Variants in ARPP21 observed in about 807,000 individuals in gnomAD.
The protein encoded by ARPP21 is cAMP-regulated phosphoprotein 21.
ARPP21 carries 69 observed loss-of-function variants against 113.2 expected under a neutral mutation model. The observed-to-expected ratio is 0.61, with a 90% CI of 0.50 to 0.74. The LOEUF (loss-of-function observed/expected upper bound fraction) is 0.74, where lower values mean the gene tolerates loss of function less well. ARPP21 is among the 30% of genes least tolerant of loss of function. ARPP21 has a pLI of 0.00. For synonymous variants in ARPP21, 368 were observed against 375.5 expected, an observed-to-expected ratio of 0.98 and a Z score of 0.23; for missense variants, 1,070 against 1,037.4, an observed-to-expected ratio of 1.03 and a Z score of -0.43.
chr3:35,791,142 G>A (rs961743644), intron 19 of ARPP21, among the ~76,000 whole-genome samples: 2 of 152,060 alleles, frequency 1.3e-5, no homozygotes, highest in African/African-American at 4.8e-5. Context: ...GGATAGTTAA[G>A]TATTTTCTTT....
intron 9 of ARPP21, among the ~76,000 whole-genome samples, chr3:35,702,466 T>C (rs1190580116): frequency 1.3e-5 from 2 of 151,850 alleles, no homozygotes; most frequent in East Asian, 1.9e-4. Flanking sequence ...CCAAATTGTT[T>C]GCTACAGCAG....
Position 35,681,347 on chromosome 3 carries a change from G to A in ARPP21, c.-38-367G>A, listed in dbSNP as rs559193478. The A allele has an allele frequency of 6.4e-4, 103 of 160,158 alleles. 1 individual carries two copies. Among genetic ancestry groups the A allele is most frequent in the African/African-American group, 2.0e-3 (83 of 41,752 alleles). The allele number at this position is 160,158 out of a possible 1,614,324, so 9.9% of individuals were successfully genotyped here. On this transcript the variant is annotated intron_variant, in intron 2 of 20. Coordinates refer to ENST00000684406, the MANE Select transcript of ARPP21 (RefSeq NM_001385562.1). ...CTGCAGAACATCAATGCCACATCTTGAGTCAGAAGTCGAGGGTCATTTGTT... is the reference window on the plus strand; with the variant it reads ...CTGCAGAACATCAATGCCACATCTTAAGTCAGAAGTCGAGGGTCATTTGTT...
At chr3:35,736,175 TAG>T (rs1308725560) in intron 15 of ARPP21, among the ~76,000 whole-genome samples, 1 of 152,214 alleles carries the variant, frequency 6.6e-6, no homozygotes, top group Non-Finnish European at 1.5e-5. Context: ...CTAATTTCTT[TAG>T]AGTGGAAATG....
intron 19 of ARPP21, among the ~76,000 whole-genome samples, chr3:35,779,876 C>T (rs1340764718): frequency 6.6e-6 from 1 of 152,162 alleles, no homozygotes; most frequent in African/African-American, 2.4e-5. Context: ...CATATTCCCT[C>T]CTCCTTTCCC....
In ARPP21 at chr3:35,744,094, C is replaced by T. The variant is rs528084546; in HGVS notation, c.2137+129C>T. The T allele has an allele frequency of 8.1e-5, 79 of 977,710 alleles. No homozygotes were observed. The African/African-American group carries it at 9.4e-4, about 12-fold the overall frequency. 60.6% of individuals were successfully genotyped at this position (977,710 alleles called of 1,614,324 possible). ...CATTTTCTCTACCCAGAGAAGATAA[C>T]AAAGCATTTGATTGACTCTGTGTGG... is the stretch of plus-strand genomic sequence containing the variant. On this transcript the variant is annotated intron_variant, in intron 19 of 20. Transcript: ENST00000684406.
At chr3:35,692,494 C>G (rs866065397) in intron 9 of ARPP21, among the ~76,000 whole-genome samples, 2 of 151,434 alleles carry the variant, frequency 1.3e-5, no homozygotes, top group Non-Finnish European at 1.5e-5. Flanking sequence ...TTTTTTTCTT[C>G]TTCTTTGTCT....
chr3:35,655,459 C>G (rs1704414638), intron 1 of ARPP21, among the ~76,000 whole-genome samples: 1 of 151,878 alleles, frequency 6.6e-6, no homozygotes, highest in African/African-American at 2.4e-5. Flanking sequence ...GCCTGTACCC[C>G]TCTTCTCTGC....
intron 1 of ARPP21, among the ~76,000 whole-genome samples, chr3:35,669,678 G>T (rs1021233812): frequency 6.6e-6 from 1 of 152,022 alleles, no homozygotes; most frequent in Non-Finnish European, 1.5e-5. Context: ...AAGTGGGTGG[G>T]TTAACTTCAC....
rs183507888 is a variant in ARPP21, at chr3:35,787,414, G to A, written c.2138-4968G>A. Among the ~76,000 whole-genome samples the A allele has an allele frequency of 3.5e-3, 540 of 152,272 alleles. 2 individuals are homozygous for A. Among genetic ancestry groups the A allele is most frequent in the African/African-American group, 0.012 (519 of 41,554 alleles). On this transcript the variant is annotated intron_variant, in intron 19 of 20. Transcript: ENST00000684406. The stretch of plus-strand genomic sequence containing the variant: ...TAAATATAGTCTCTTCAAAGATTGT[G>A]AGGAAAGCCATTATTTGAAATGGTC...
At chr3:35,784,055 T>G (rs1453742296) in intron 19 of ARPP21, among the ~76,000 whole-genome samples, 1 of 152,150 alleles carries the variant, frequency 6.6e-6, no homozygotes, top group Admixed American at 6.6e-5. Context: ...GATTCTAGAG[T>G]TGGAGACAGG....
chr3:35,740,028 C>T (rs941546087), intron 18 of ARPP21, among the ~76,000 whole-genome samples: 1 of 152,184 alleles, frequency 6.6e-6, no homozygotes, highest in African/African-American at 2.4e-5. Context: ...TCTGCTGCTC[C>T]AGGCAGGAGC....
intron 1 of ARPP21, among the ~76,000 whole-genome samples, chr3:35,674,824 T>C (rs1179980721): frequency 6.6e-6 from 1 of 151,940 alleles, no homozygotes; most frequent in Non-Finnish European, 1.5e-5. Context: ...GCTCAGGACA[T>C]TTCTGTGCAG....
intron 19 of ARPP21, among the ~76,000 whole-genome samples, chr3:35,755,530 C>T (rs1330288253): frequency 6.6e-6 from 1 of 152,038 alleles, no homozygotes; most frequent in Non-Finnish European, 1.5e-5. Flanking sequence ...ACATGTCTCT[C>T]CATTATGAGA....
chr3:35,686,582 T>C (rs2080671024), intron 5 of ARPP21, among the ~76,000 whole-genome samples: 1 of 151,616 alleles, frequency 6.6e-6, no homozygotes, highest in Non-Finnish European at 1.5e-5. Flanking sequence ...GAATCCCAAA[T>C]TTGAGAGGGT....
intron 1 of ARPP21, among the ~76,000 whole-genome samples, chr3:35,642,897 T>C (rs1315209874): frequency 2.6e-5 from 4 of 152,130 alleles, no homozygotes; most frequent in Non-Finnish European, 5.9e-5. Flanking sequence ...TTTCTCTCCT[T>C]AGAATTAAGA....
chr3:35,657,378 C>T (rs1705495621), intron 1 of ARPP21, among the ~76,000 whole-genome samples: 1 of 152,008 alleles, frequency 6.6e-6, no homozygotes. Flanking sequence ...GATCAGGTCT[C>T]CAGAAGAATT....
At chr3:35,733,097 T>C (rs2094105876) in intron 15 of ARPP21, among the ~76,000 whole-genome samples, 2 of 152,168 alleles carry the variant, frequency 1.3e-5, no homozygotes, top group Non-Finnish European at 2.9e-5. Flanking sequence ...CAGAAATGCT[T>C]TGGTGTTCAA....
At chr3:35,686,912 A>G (rs552520660) in intron 5 of ARPP21, among the ~76,000 whole-genome samples, 11 of 151,666 alleles carry the variant, frequency 7.3e-5, no homozygotes, top group African/African-American at 2.7e-4. Context: ...TTTTCAGTGC[A>G]AAATAAATAA....
intron 1 of ARPP21, chr3:35,679,533 G>A (rs2078341601): frequency 6.6e-6 from 1 of 151,044 alleles, no homozygotes; most frequent in African/African-American, 2.4e-5. Context: ...TAAAATTGAA[G>A]TGAGTAATCT....
Sources: gnomAD v4.1 joint callset for allele counts (sites outside exome capture counted in the v4.1 genomes callset) on GRCh38, gnomAD v4.1.1 for gene constraint, MANE v1.5 for transcripts, NCBI Gene and HGNC (gene_info 2026-07-23, HGNC 2026-07-21) for gene names.